The following ANKRD11 variants were observed in gnomAD, a reference collection of about 807,000 sequenced individuals.
ANKRD11 encodes the protein ankyrin repeat domain-containing protein 11.
In ANKRD11, 17 loss-of-function variants were observed where a neutral mutation model predicts 195.7. The observed-to-expected ratio is 0.09, with a 90% CI of 0.06 to 0.13. ANKRD11 has a LOEUF of 0.13. Ranked by LOEUF, ANKRD11 falls within the 10% of genes least tolerant of loss-of-function variation. ANKRD11 has a pLI of 1.00. For missense variants in ANKRD11, 3,735 were observed against 3,566.1 expected, an observed-to-expected ratio of 1.05 and a Z score of -1.21; for synonymous variants, 1,953 against 1,528.1, an observed-to-expected ratio of 1.28 and a Z score of -6.49.
intron 2 of ANKRD11, among the ~76,000 whole-genome samples, chr16:89,383,445 GTA>G (rs1380999063): frequency 6.6e-6 from 1 of 152,204 alleles, no homozygotes; most frequent in African/African-American, 2.4e-5. Flanking sequence ...GAAAGGCGCT[GTA>G]TCTACCCTCC....
intron 1 of ANKRD11, among the ~76,000 whole-genome samples, chr16:89,428,601 C>T (rs1028679446): frequency 6.6e-6 from 1 of 151,594 alleles, no homozygotes; most frequent in Non-Finnish European, 1.5e-5. Context: ...TTTAAAAATA[C>T]ACCACTGTCA....
At chr16:89,464,385 G>T (rs1220404631) in intron 1 of ANKRD11, among the ~76,000 whole-genome samples, 1 of 151,524 alleles carries the variant, frequency 6.6e-6, no homozygotes, top group Non-Finnish European at 1.5e-5. Context: ...GAGGCAGGCA[G>T]ATCACGAGGT....
chr16:89,451,123 C>A (rs1252377392), intron 1 of ANKRD11, among the ~76,000 whole-genome samples: 3 of 152,160 alleles, frequency 2.0e-5, no homozygotes, highest in Non-Finnish European at 4.4e-5. Flanking sequence ...AAGTTCTTTA[C>A]CACTTGGTCC....
intron 1 of ANKRD11, among the ~76,000 whole-genome samples, chr16:89,425,095 A>C (rs2042664923): frequency 6.6e-6 from 1 of 152,066 alleles, no homozygotes; most frequent in Non-Finnish European, 1.5e-5. Context: ...AAAAAAAAAA[A>C]AGTCCAAAAA....
Position 89,301,551 on chromosome 16 carries a change from G to A in ANKRD11, c.226+3655C>T, listed in dbSNP as rs115459848. On this transcript the variant is annotated intron_variant, in intron 4 of 12. Coordinates refer to ENST00000301030, the MANE Select transcript of ANKRD11 (RefSeq NM_013275.6). ...CGGTGGGCAGAGCTGTCTTGGGGCC[G>A]GGACATGGCAGGTGCCTTCCCACTC... is the stretch of plus-strand genomic sequence containing the variant. 3.6e-3 allele frequency: 1,423 copies of A among 398,854 alleles called. 13 individuals carry two copies. The highest frequency in any genetic ancestry group is 0.026 in the African/African-American group (1,269 of 48,738). The allele number at this position is 398,854 out of a possible 1,614,324, so 24.7% of individuals were successfully genotyped here.
chr16:89,392,540 C>T lies in ANKRD11; in HGVS notation c.-60+25744G>A, dbSNP rs1049776716. 3.3e-5 allele frequency: 5 copies of T among 152,132 alleles called. No homozygotes were observed. The South Asian group carries it at 6.2e-4, about 19-fold the overall frequency. 9.4% of individuals were successfully genotyped at this position (152,132 alleles called of 1,614,324 possible). A position where few individuals can be genotyped will look rare whatever the true frequency, so the allele number is the denominator to read the frequency against. On this transcript the variant is annotated intron_variant, in intron 2 of 12. Transcript: ENST00000301030. ...TTCCATGAGCAGCACTGTGATGCCA[C>T]GCTGAGATGCTCCAGGGTCCATGCA...
At chr16:89,488,620 T>C (rs1020936706) in intron 1 of ANKRD11, among the ~76,000 whole-genome samples, 6 of 152,172 alleles carry the variant, frequency 3.9e-5, no homozygotes, top group African/African-American at 9.7e-5. Flanking sequence ...CGTTATGCCA[T>C]AGACTAGGTC....
chr16:89,401,367 C>T (rs975173325), intron 2 of ANKRD11, among the ~76,000 whole-genome samples: 3 of 152,104 alleles, frequency 2.0e-5, no homozygotes, highest in East Asian at 1.9e-4. Context: ...CGAGCCACTG[C>T]GTCTGGCATT....
At chr16:89,445,005 C>T (rs140655905) in intron 1 of ANKRD11, among the ~76,000 whole-genome samples, 1 of 152,254 alleles carries the variant, frequency 6.6e-6, no homozygotes, top group East Asian at 1.9e-4. Flanking sequence ...AAACCTACCA[C>T]ACAGACCCGT....
rs1425674297 is a variant in ANKRD11 at position 89,281,160 on chromosome 16, G to C, written c.5382C>G (p.Asp1794Glu). Residue 1794 changes from aspartate to glutamate, a missense_variant, in exon 9 of 13, where the codon GAC becomes GAG. Asp to Glu is a conservative substitution (Grantham distance 45, BLOSUM62 2). Transcript: ENST00000301030. This position sits in a 1 kb window ranked among gnomAD's most constrained non-coding sequence, Gnocchi z 5.5. ...ATTCTTCCTCGGGGGTCCTCCTAAT[G>C]TCGACAGAGACCGAGCGGTAAAGGT... ...STNLYRSVSV[D>E]IRRTPEEEFS... The C allele has an allele frequency of 3.1e-6, 5 of 1,614,042 alleles. No individual in the cohort carries two copies. The highest frequency in any genetic ancestry group is 1.3e-5 in the African/African-American group (1 of 74,938).
intron 1 of ANKRD11, among the ~76,000 whole-genome samples, chr16:89,464,586 C>T (rs1454321479): frequency 5.4e-5 from 7 of 129,942 alleles, no homozygotes; most frequent in Non-Finnish European, 1.1e-4. Context: ...CCAGCCTGGG[C>T]GACAGAGTGA....
chr16:89,322,054 T>C (rs1567642704), intron 2 of ANKRD11, among the ~76,000 whole-genome samples: 1 of 152,242 alleles, frequency 6.6e-6, no homozygotes, highest in East Asian at 1.9e-4. Context: ...TGTGTGTGAC[T>C]GGCTTTATGT....
In ANKRD11 at chr16:89,275,114, A is replaced by C. The variant is rs747727451; in HGVS notation, c.7548T>G (p.Arg2516=). ...RQQEAVRGKL[R]LQHSIEREKL... is the part of the protein sequence containing the mutation. ...TTACCCGCTCGATGCTGTGCTGTAG[A>C]CGCAGCTTTCCCCGGACGGCCTCCT... Residue 2516 remains arginine (R), a synonymous_variant, in exon 10 of 13, where the codon CGT becomes CGG. Coordinates refer to ENST00000301030, the MANE Select transcript of ANKRD11 (RefSeq NM_013275.6). 3.1e-6 allele frequency: 5 copies of C among 1,612,824 alleles called. No homozygotes were observed. Among genetic ancestry groups the C allele is most frequent in the Non-Finnish European group, 4.2e-6 (5 of 1,179,678 alleles).
intron 1 of ANKRD11, among the ~76,000 whole-genome samples, chr16:89,455,390 G>A (rs978140324): frequency 4.6e-5 from 7 of 152,122 alleles, no homozygotes; most frequent in Non-Finnish European, 7.4e-5. Context: ...TGTGGCAGCA[G>A]TGCAGAGCCC....
At chr16:89,379,363 T>G (rs1173219387) in intron 2 of ANKRD11, among the ~76,000 whole-genome samples, 2 of 152,212 alleles carry the variant, frequency 1.3e-5, no homozygotes, top group Non-Finnish European at 2.9e-5. Flanking sequence ...GTGTTACCAG[T>G]GAACGGGGCT....
intron 2 of ANKRD11, among the ~76,000 whole-genome samples, chr16:89,333,329 G>A (rs975814698): frequency 1.3e-5 from 2 of 152,236 alleles, no homozygotes; most frequent in African/African-American, 2.4e-5. Flanking sequence ...ATCCCCACGA[G>A]AGTGGCCGTT....
intron 1 of ANKRD11, among the ~76,000 whole-genome samples, chr16:89,434,931 C>T (rs1460921534): frequency 6.6e-6 from 1 of 152,206 alleles, no homozygotes; most frequent in African/African-American, 2.4e-5. Context: ...ATGCGGATGG[C>T]TAGGTGAAGC....
rs1276607391 is a variant in ANKRD11 at position 89,291,034 on chromosome 16, C to T, written c.376G>A (p.Glu126Lys). Residue 126 changes from glutamate (E) to lysine (K), a missense_variant, in exon 5 of 13, where the codon GAG (glutamate) becomes AAG (lysine). Glu to Lys is a moderately conservative substitution (Grantham distance 56). Coordinates refer to ENST00000301030, the MANE Select transcript of ANKRD11 (RefSeq NM_013275.6). The surrounding 1 kb of genome is among the most constrained non-coding windows in gnomAD (Gnocchi z 5.3). ...TCACCTGGGCTGTTGGCAGACTCCT[C>T]GGCCGTCATCTGCATGAGAAGGGCC... ...QVALLMQMTAEESANSPVDTT... is the reference protein window; with the variant it reads ...QVALLMQMTAKESANSPVDTT... 5.0e-6 allele frequency: 8 copies of T among 1,612,192 alleles called. No homozygotes were observed. Among genetic ancestry groups the T allele is most frequent in the Admixed American group, 1.7e-5 (1 of 60,008 alleles).
At chr16:89,288,381 C>T in intron 7 of ANKRD11, 147 bp downstream of exon 7, 1 of 1,284,770 alleles carries the variant, frequency 7.8e-7, no homozygotes, top group Non-Finnish European at 1.1e-6. Flanking sequence ...AGACAGAGGG[C>T]ACAGCTCGGC....
Sources: gnomAD v4.1 joint callset for allele counts (sites outside exome capture counted in the v4.1 genomes callset) on GRCh38, gnomAD v4.1.1 for gene constraint, Gnocchi (gnomAD v3.1) non-coding constraint, MANE v1.5 for transcripts, NCBI Gene and HGNC (gene_info 2026-07-23, HGNC 2026-07-21) for gene names.